The following GSR variants were observed in gnomAD, a reference collection of about 807,000 sequenced individuals.
GSR encodes glutathione-disulfide reductase.
In GSR, 48 loss-of-function variants were observed where a neutral mutation model predicts 56.5. The ratio of observed to expected loss-of-function variants is 0.85; its 90% confidence interval spans 0.67 to 1.08. The LOEUF is 1.08. Among genes scored for constraint, GSR ranks in the 50% least tolerant of loss-of-function variants. The pLI is 0.00. For synonymous variants in GSR, 264 were observed against 270.8 expected (o/e 0.97, Z 0.25); for missense variants, 694 against 703.3 (o/e 0.99, Z 0.15).
At chr8:30,693,907 A>C (rs181051099) in intron 7 of GSR, among the ~76,000 whole-genome samples, 10 of 152,338 alleles carry the variant, frequency 6.6e-5, no homozygotes, top group Admixed American at 3.9e-4. Context: ...GGGAGAGGGC[A>C]GGAAGCCCAA....
At chr8:30,698,484 A>T (rs924918173) in intron 6 of GSR, among the ~76,000 whole-genome samples, 1 of 152,172 alleles carries the variant, frequency 6.6e-6, no homozygotes, top group African/African-American at 2.4e-5. Flanking sequence ...TCTCTAACAC[A>T]TTTCTGCGAC....
At position 30,708,093 on chromosome 8, in the gene GSR, G is replaced by A. The variant is rs201465537; in HGVS notation, c.471C>T (p.Ile157=). 31 of 1,613,134 alleles carry A rather than the reference G, an allele frequency of 1.9e-5. No individual in the cohort carries two copies. The highest frequency in any genetic ancestry group is 4.5e-5 in the East Asian group (2 of 44,890). The part of the protein sequence containing the change: ...RDAYVSRLNA[I]YQNNLTKSHI... ...ACACCTTGGTGAGATTGTTTTGATA[G>A]ATGGCATTCAGGCGGCTCACATAGG... The change falls in exon 4 of 13, where the codon ATC becomes ATT. Residue 157 remains isoleucine (I), a synonymous_variant. Coordinates refer to ENST00000221130, the MANE Select transcript of GSR (RefSeq NM_000637.5).
At chr8:30,721,882 T>C (rs913382783) in intron 1 of GSR, among the ~76,000 whole-genome samples, 2 of 151,574 alleles carry the variant, frequency 1.3e-5, no homozygotes, top group Admixed American at 6.6e-5. Flanking sequence ...CTGGGTGTAG[T>C]GGCACACGCC....
At chr8:30,694,567 G>A (rs1036141988) in intron 7 of GSR, among the ~76,000 whole-genome samples, 2 of 152,146 alleles carry the variant, frequency 1.3e-5, no homozygotes, top group Non-Finnish European at 2.9e-5. Context: ...GCTGAGGCAG[G>A]AGGATAGCTT....
chr8:30,683,436 G>C (rs778841375), intron 10 of GSR, among the ~76,000 whole-genome samples: 1 of 152,126 alleles, frequency 6.6e-6, no homozygotes, highest in African/African-American at 2.4e-5. Flanking sequence ...CTTAGGAAGC[G>C]GGCTGAGGTG....
At chr8:30,692,470 AC>A (rs1803418425) in intron 8 of GSR, among the ~76,000 whole-genome samples, 1 of 142,498 alleles carries the variant, frequency 7.0e-6, no homozygotes. Flanking sequence ...TGCTGGGATA[AC>A]AGGTGTGAGC....
intron 1 of GSR, among the ~76,000 whole-genome samples, chr8:30,713,945 A>G (rs1804243576): frequency 6.6e-6 from 1 of 152,194 alleles, no homozygotes; most frequent in African/African-American, 2.4e-5. Context: ...ATAGTTATAC[A>G]TTGAGTCTGT....
intron 1 of GSR, among the ~76,000 whole-genome samples, chr8:30,716,423 C>T (rs1178867105): frequency 6.6e-6 from 1 of 152,236 alleles, no homozygotes; most frequent in Non-Finnish European, 1.5e-5. Flanking sequence ...CTCCTGTGAA[C>T]AGGCCTCCAG....
At position 30,679,156 on chromosome 8, in the gene GSR, A is replaced by AG. The variant is rs1320035861; in HGVS notation, c.*363_*364insC. The AG allele has an allele frequency of 4.6e-6, 1 of 216,070 alleles. No individual in the cohort carries two copies. The highest frequency in any genetic ancestry group is 9.2e-6 in the Non-Finnish European group (1 of 108,264). The allele number at this position is 216,070 out of a possible 1,614,324, so 13.4% of individuals were successfully genotyped here. ...GAGAGCAAAACTCTGTCTCAAAAAA[A>AG]AAAAAAAAAAAAGTAGCAAGTTCTA... On this transcript the variant is annotated 3_prime_UTR_variant, in exon 13 of 13. Transcript: ENST00000221130.
Position 30,681,956 on chromosome 8 carries a change from G to T in GSR, c.1259C>A (p.Pro420His). 6.2e-6 allele frequency: 10 copies of T among 1,612,170 alleles called. No homozygotes were observed. Among genetic ancestry groups the T allele is most frequent in the Non-Finnish European group, 8.5e-6 (10 of 1,178,224 alleles). Residue 420 changes from proline (P) to histidine (H), a missense_variant, in exon 11 of 13, where the codon CCT (proline) becomes CAT (histidine). Coordinates refer to ENST00000221130, the MANE Select transcript of GSR (RefSeq NM_000637.5). ...TTCCGTGAGTCCCACTGTCCCAATAGGGGGGTGGCTGAAGACCACAGTTGG... is the reference window on the plus strand; with the variant it reads ...TTCCGTGAGTCCCACTGTCCCAATATGGGGGTGGCTGAAGACCACAGTTGG... ...NIPTVVFSHP[P>H]IGTVGLTEDE...
At position 30,727,405 on chromosome 8, in the gene GSR, C is replaced by A. The variant is rs1804768551; in HGVS notation, c.306+125G>T. 1.3e-5 allele frequency: 12 copies of A among 936,362 alleles called. No individual in the cohort carries two copies. In the South Asian group the frequency reaches 1.7e-4, roughly 13 times the overall value. The allele number at this position is 936,362 out of a possible 1,614,324, so 58.0% of individuals were successfully genotyped here. Reference sequence around the variant, plus strand: ...TTCCTGGCTTCGGAATGGGGAGTTGCGGGGGTGGAAAAGAGGAAAGCCCAG... The same window carrying A: ...TTCCTGGCTTCGGAATGGGGAGTTGAGGGGGTGGAAAAGAGGAAAGCCCAG... On this transcript the variant is annotated intron_variant, in intron 1 of 12. Coordinates refer to ENST00000221130, the MANE Select transcript of GSR (RefSeq NM_000637.5).
chr8:30,717,455 G>C lies in GSR; in HGVS notation c.307-5367C>G, dbSNP rs1804372028. 2.6e-5 allele frequency among the ~76,000 whole-genome samples: 4 copies of C among 152,058 alleles called. 1 individual carries two copies. The South Asian group carries it at 8.3e-4, about 32-fold the overall frequency. On this transcript the variant is annotated intron_variant, in intron 1 of 12. Coordinates refer to ENST00000221130, the MANE Select transcript of GSR (RefSeq NM_000637.5). ...GCCTATTAGGAACCAGGCTGCAGCA[G>C]GAGGTGAGTGGCGGGCAAGTGAGCG...
rs8191021 is a variant in GSR at position 30,685,014 on chromosome 8, G to C, written c.1042-815C>G. ...AGATGGAGTCTCGCTCTGTCGCCCA[G>C]GCTGGCGCGATCTAGGCTCTCTGCA... On this transcript the variant is annotated intron_variant, in intron 9 of 12. Coordinates refer to ENST00000221130, the MANE Select transcript of GSR (RefSeq NM_000637.5). Among the ~76,000 whole-genome samples, 200 of 151,354 alleles carry C rather than the reference G, an allele frequency of 1.3e-3. 1 individual carries two copies. Among genetic ancestry groups the C allele is most frequent in the Admixed American group, 4.2e-3 (63 of 15,110 alleles).
intron 1 of GSR, among the ~76,000 whole-genome samples, chr8:30,714,519 T>A (rs28707724): frequency 6.6e-6 from 1 of 151,040 alleles, no homozygotes; most frequent in Non-Finnish European, 1.5e-5. Flanking sequence ...TAAAAAAAAA[T>A]AAAAAATATT....
chr8:30,706,451 C>T (rs189080967), intron 4 of GSR, among the ~76,000 whole-genome samples: 4 of 151,872 alleles, frequency 2.6e-5, no homozygotes, highest in East Asian at 1.9e-4. Context: ...CGCAGTGAGC[C>T]GAGATCACAT....
intron 1 of GSR, among the ~76,000 whole-genome samples, chr8:30,722,231 G>A (rs6996579): frequency 6.6e-6 from 1 of 152,038 alleles, no homozygotes. Flanking sequence ...AATAGCATTT[G>A]CTTGCTTTAA....
At chr8:30,707,258 C>A (rs1803949497) in intron 4 of GSR, among the ~76,000 whole-genome samples, 1 of 152,202 alleles carries the variant, frequency 6.6e-6, no homozygotes, top group Non-Finnish European at 1.5e-5. Flanking sequence ...CCAGGCCAGA[C>A]CTACTCAAGG....
intron 7 of GSR, among the ~76,000 whole-genome samples, chr8:30,696,109 C>T (rs1208232738): frequency 6.6e-6 from 1 of 151,984 alleles, no homozygotes; most frequent in Non-Finnish European, 1.5e-5. Flanking sequence ...ATGTTTAGGC[C>T]CCACGTCTCC....
At chr8:30,703,367 C>A (rs1563537141) in intron 4 of GSR, 127 bp from the exon 5 acceptor site, 17 of 942,892 alleles carry the variant, frequency 1.8e-5, no homozygotes, top group Non-Finnish European at 2.9e-5. Flanking sequence ...CAACACAATT[C>A]TCCGTTTTTC....
Sources: gnomAD v4.1 joint callset for allele counts (sites outside exome capture counted in the v4.1 genomes callset) on GRCh38, gnomAD v4.1.1 for gene constraint, MANE v1.5 for transcripts, NCBI Gene and HGNC (gene_info 2026-07-23, HGNC 2026-07-21) for gene names.